The following FAF1 variants were observed in gnomAD, a reference collection of about 807,000 sequenced individuals.
FAF1 encodes the protein Fas associated factor 1.
A neutral mutation model predicts 92.5 loss-of-function variants in FAF1; 25 were observed. That is an observed-to-expected ratio of 0.27 (90% CI 0.20 to 0.38). The LOEUF is 0.38. FAF1 is among the 10% of genes least tolerant of loss of function. FAF1 has a pLI of 1.00. For missense variants in FAF1, 636 were observed against 793.3 expected (o/e 0.80, Z 2.38); for synonymous variants, 234 against 273.2 (o/e 0.86, Z 1.42).
intron 7 of FAF1, among the ~76,000 whole-genome samples, chr1:50,702,271 C>A (rs182041087): frequency 6.6e-6 from 1 of 152,106 alleles, no homozygotes; most frequent in East Asian, 1.9e-4. Context: ...AACCACAGAT[C>A]TTTAATAGTA....
At chr1:50,670,223 A>G (rs933638065) in intron 7 of FAF1, among the ~76,000 whole-genome samples, 4 of 151,808 alleles carry the variant, frequency 2.6e-5, no homozygotes, top group Admixed American at 6.6e-5. Flanking sequence ...GGAGGGACAG[A>G]GTATCACCCA....
At chr1:50,880,261 T>C (rs988428193) in intron 1 of FAF1, among the ~76,000 whole-genome samples, 1 of 151,998 alleles carries the variant, frequency 6.6e-6, no homozygotes, top group Admixed American at 6.6e-5. Flanking sequence ...AGAAATAAGA[T>C]TTCTGTTAAT....
At chr1:50,507,563 G>A (rs1402959726) in intron 15 of FAF1, among the ~76,000 whole-genome samples, 3 of 152,062 alleles carry the variant, frequency 2.0e-5, no homozygotes, top group Non-Finnish European at 4.4e-5. Context: ...AACATGGCGA[G>A]ACCCATAAAA....
intron 15 of FAF1, among the ~76,000 whole-genome samples, chr1:50,529,331 TGTCAGA>T (rs760062155): frequency 1.4e-4 from 22 of 152,342 alleles, no homozygotes; most frequent in Admixed American, 4.6e-4. Flanking sequence ...GAAGTTCAGA[TGTCAGA>T]GTCAAACACC....
intron 1 of FAF1, among the ~76,000 whole-genome samples, chr1:50,922,750 T>C (rs1214615011): frequency 2.3e-5 from 3 of 130,638 alleles, no homozygotes; most frequent in African/African-American, 9.0e-5. Context: ...ACCCAGGAGA[T>C]GGAGGTTGCA....
Position 50,887,044 on chromosome 1 carries a change from T to A in FAF1, c.46-29047A>T, listed in dbSNP as rs1644671783. ...TCCAAATCCTCTCCAGCACCTGCAG[T>A]TTCCTGACGTTTTTAATGATCGCCA... On this transcript the variant is annotated intron_variant, in intron 1 of 18. Transcript: ENST00000396153. Among the ~76,000 whole-genome samples the A allele has an allele frequency of 2.0e-5, 3 of 152,328 alleles. No individual in the cohort carries two copies. In the South Asian group the frequency reaches 6.2e-4, roughly 32 times the overall value.
intron 13 of FAF1, among the ~76,000 whole-genome samples, chr1:50,560,129 T>C (rs1261856429): frequency 6.6e-6 from 1 of 152,076 alleles, no homozygotes; most frequent in Non-Finnish European, 1.5e-5. Context: ...AGTGTAGGGT[T>C]AGAGTAACAT....
intron 4 of FAF1, among the ~76,000 whole-genome samples, chr1:50,785,355 G>C (rs1267378578): frequency 1.3e-5 from 2 of 151,998 alleles, no homozygotes; most frequent in Non-Finnish European, 1.5e-5. Context: ...TACAGAATGA[G>C]AGGAAACATG....
chr1:50,587,434 A>G (rs1651287601), intron 9 of FAF1, among the ~76,000 whole-genome samples: 1 of 152,216 alleles, frequency 6.6e-6, no homozygotes, highest in South Asian at 2.1e-4. Flanking sequence ...AATTATGTAT[A>G]AGGAACTCCC....
Position 50,729,086 on chromosome 1 carries a change from G to A in FAF1, c.551+9777C>T, listed in dbSNP as rs539198431. On this transcript the variant is annotated intron_variant, in intron 6 of 18. Transcript: ENST00000396153. ...TTTTTTTTTTTTGAGGCAGAGTTTCGCTATTGTTGCCCAGGCTGAAGTGCA... is the reference window on the plus strand; with the variant it reads ...TTTTTTTTTTTTGAGGCAGAGTTTCACTATTGTTGCCCAGGCTGAAGTGCA... Among the ~76,000 whole-genome samples, 5 of 107,376 alleles carry A rather than the reference G, an allele frequency of 4.7e-5. No individual in the cohort carries two copies. The South Asian group carries it at 8.4e-4, about 18-fold the overall frequency. 70.4% of individuals were successfully genotyped at this position (107,376 alleles called of 152,430 possible).
intron 9 of FAF1, among the ~76,000 whole-genome samples, chr1:50,593,843 G>A (rs1032495508): frequency 6.6e-5 from 10 of 152,112 alleles, no homozygotes; most frequent in East Asian, 1.9e-4. Context: ...ATATAAATAC[G>A]TATTCAAAGG....
chr1:50,659,498 CGGAGTTTCA>C (rs1655278749), intron 7 of FAF1, among the ~76,000 whole-genome samples: 1 of 152,142 alleles, frequency 6.6e-6, no homozygotes, highest in Admixed American at 6.5e-5. Flanking sequence ...TTGCTTCTGA[CGGAGTTTCA>C]TCTTTAGAGT....
rs1644020205 is a variant in FAF1, at chr1:50,819,732, TATATATAC to T, written c.115-18063_115-18056del. Among the ~76,000 whole-genome samples the T allele has an allele frequency of 4.2e-4, 11 of 26,288 alleles. 1 individual carries two copies. The highest frequency in any genetic ancestry group is 9.8e-4 in the African/African-American group (9 of 9,218). The allele number at this position is 26,288 out of a possible 152,430, so 17.2% of individuals were successfully genotyped here. ...ATATATATACGTATATATATATACATATATATACATATATATATACATATATATATACG... is the reference window on the plus strand; with the variant it reads ...ATATATATACGTATATATATATACATATATATATATACATATATATATACG... On this transcript the variant is annotated intron_variant, in intron 2 of 18. Coordinates refer to ENST00000396153, the MANE Select transcript of FAF1 (RefSeq NM_007051.3).
intron 8 of FAF1, among the ~76,000 whole-genome samples, chr1:50,596,681 A>G (rs1651837488): frequency 6.6e-6 from 1 of 152,246 alleles, no homozygotes. Context: ...TCATAAAGGA[A>G]GCTGCCTTAT....
chr1:50,582,390 G>C (rs982649160), intron 12 of FAF1: 6 of 438,220 alleles, frequency 1.4e-5, no homozygotes, highest in African/African-American at 9.9e-5. Flanking sequence ...ATCTCAAAAT[G>C]AAAACAGAAA....
chr1:50,587,762 C>T (rs762368490), intron 9 of FAF1, among the ~76,000 whole-genome samples: 2 of 152,068 alleles, frequency 1.3e-5, no homozygotes, highest in African/African-American at 2.4e-5. Context: ...TAAGGAGCAC[C>T]ATATATTATA....
Position 50,482,950 on chromosome 1 carries a change from G to C in FAF1, c.1654-7271C>G, listed in dbSNP as rs570854666. Among the ~76,000 whole-genome samples the C allele has an allele frequency of 7.9e-5, 12 of 152,112 alleles. No homozygotes were observed. The South Asian group carries it at 2.3e-3, about 29-fold the overall frequency. On this transcript the variant is annotated intron_variant, in intron 17 of 18. Transcript: ENST00000396153. ...GGCTTGTTTTTTCAATTTCCTAGCA[G>C]TATTTTATAAATAGTACAAGTTTCT...
intron 5 of FAF1, among the ~76,000 whole-genome samples, chr1:50,743,280 CGAA>C (rs1021294245): frequency 3.9e-5 from 6 of 152,230 alleles, no homozygotes; most frequent in African/African-American, 7.2e-5. Flanking sequence ...AAGCCATTCA[CGAA>C]GAAGAACTGA....
intron 7 of FAF1, among the ~76,000 whole-genome samples, chr1:50,663,980 A>G (rs1400748041): frequency 1.3e-5 from 2 of 150,120 alleles, no homozygotes; most frequent in Non-Finnish European, 2.9e-5. Context: ...AATTTCTGCT[A>G]ATTGAAAATC....
Sources: gnomAD v4.1 joint callset for allele counts (sites outside exome capture counted in the v4.1 genomes callset) on GRCh38, gnomAD v4.1.1 for gene constraint, MANE v1.5 for transcripts, NCBI Gene and HGNC (gene_info 2026-07-23, HGNC 2026-07-21) for gene names.